The following TRMT9B variants were observed in gnomAD, a reference collection of about 807,000 sequenced individuals.
TRMT9B encodes the protein probable tRNA methyltransferase 9B.
TRMT9B carries 16 observed loss-of-function variants against 11.5 expected under a neutral mutation model. The ratio of observed to expected loss-of-function variants is 1.39; its 90% confidence interval spans 0.94 to 2.11. The LOEUF (loss-of-function observed/expected upper bound fraction) is 2.11. Among genes scored for constraint, TRMT9B ranks in the 30% most tolerant of loss-of-function variants. The probability of loss-of-function intolerance (pLI) is 0.00; values close to 1 mark genes in which losing one functional copy is unlikely to be tolerated. For synonymous variants in TRMT9B, 274 were observed against 192.4 expected, an observed-to-expected ratio of 1.42 and a Z score of -3.51; for missense variants, 941 against 553.8, an observed-to-expected ratio of 1.70 and a Z score of -7.02.
intron 1 of TRMT9B, among the ~76,000 whole-genome samples, chr8:12,987,746 C>G (rs1300826348): frequency 6.6e-6 from 1 of 152,136 alleles, no homozygotes; most frequent in Non-Finnish European, 1.5e-5. Context: ...TAGCTTACCT[C>G]CCTAGCCTAC....
intron 2 of TRMT9B, among the ~76,000 whole-genome samples, chr8:13,002,787 C>T (rs1809689901): frequency 6.6e-6 from 1 of 152,182 alleles, no homozygotes; most frequent in South Asian, 2.1e-4. Flanking sequence ...CAAAGTCTCT[C>T]TCCATACAGG....
At chr8:12,998,203 C>T (rs957337516) in intron 2 of TRMT9B, among the ~76,000 whole-genome samples, 3 of 152,304 alleles carry the variant, frequency 2.0e-5, no homozygotes, top group East Asian at 3.9e-4. Context: ...TTTTCCTTCT[C>T]TTCATGGTGT....
intron 2 of TRMT9B, among the ~76,000 whole-genome samples, chr8:13,000,151 C>T: frequency 6.6e-6 from 1 of 152,142 alleles, no homozygotes; most frequent in East Asian, 1.9e-4. Context: ...CATTTCATTG[C>T]AGTGATAAGG....
intron 1 of TRMT9B, among the ~76,000 whole-genome samples, chr8:12,975,652 C>T (rs982140370): frequency 6.6e-6 from 1 of 152,076 alleles, no homozygotes; most frequent in Non-Finnish European, 1.5e-5. Context: ...GTCTGAGAAT[C>T]CTTTGAACCC....
Position 13,009,877 on chromosome 8 carries a change from C to A in TRMT9B, c.155-2807C>A, listed in dbSNP as rs139096208. ...GGCGCGGTATCTCACACGTGTAATC[C>A]TAGCACTTTGGGAGGTGTGGCGGGC... On this transcript the variant is annotated intron_variant, in intron 3 of 4. Coordinates refer to ENST00000524591, the MANE Select transcript of TRMT9B (RefSeq NM_020844.3). 9.4e-3 allele frequency among the ~76,000 whole-genome samples: 1,426 copies of A among 152,216 alleles called. 25 individuals carry two copies. The highest frequency in any genetic ancestry group is 0.033 in the African/African-American group (1,359 of 41,546).
At position 12,982,661 on chromosome 8, in the gene TRMT9B, CA is replaced by C. The variant is rs199524978; in HGVS notation, c.-199-8160del. Among the ~76,000 whole-genome samples, 273 of 135,170 alleles carry C rather than the reference CA, an allele frequency of 2.0e-3. 3 individuals are homozygous for C. In the East Asian group the frequency reaches 0.026, roughly 13 times the overall value. 88.7% of individuals were successfully genotyped at this position (135,170 alleles called of 152,430 possible). ...TGGGCAACAGAGAGAGACTCCATCTCAAAAAAAAAAAAATCATAATCAGAGT... is the reference window on the plus strand; with the variant it reads ...TGGGCAACAGAGAGAGACTCCATCTCAAAAAAAAAAAATCATAATCAGAGT... On this transcript the variant is annotated intron_variant, in intron 1 of 4. Coordinates refer to ENST00000524591, the MANE Select transcript of TRMT9B (RefSeq NM_020844.3).
chr8:13,018,855 C>T (rs754138629), intron 4 of TRMT9B, among the ~76,000 whole-genome samples: 1 of 152,152 alleles, frequency 6.6e-6, no homozygotes, highest in African/African-American at 2.4e-5. Flanking sequence ...CTAAATAATA[C>T]CTCAACACTA....
chr8:12,994,517 G>C (rs547170370), intron 2 of TRMT9B, among the ~76,000 whole-genome samples: 1 of 152,038 alleles, frequency 6.6e-6, no homozygotes, highest in Non-Finnish European at 1.5e-5. Context: ...GTGCCCGGAG[G>C]TGACTTAATT....
chr8:13,009,233 G>C (rs376085948), intron 3 of TRMT9B, among the ~76,000 whole-genome samples: 1 of 152,054 alleles, frequency 6.6e-6, no homozygotes, highest in Non-Finnish European at 1.5e-5. Flanking sequence ...TAAAATGGTG[G>C]TTACCTGGGG....
In TRMT9B at chr8:13,027,983, C is replaced by G. The variant is rs1157516335; in HGVS notation, c.*5939C>G. On this transcript the variant is annotated 3_prime_UTR_variant, in exon 5 of 5. Transcript: ENST00000524591. ...TGCAAACATTTAAAAAGATCTCTCA[C>G]CAAACAAGGATTGAAATTGTATTGC... 6.0e-6 allele frequency: 1 copy of G among 166,888 alleles called. No individual in the cohort carries two copies. The highest frequency in any genetic ancestry group is 2.4e-5 in the African/African-American group (1 of 41,442). The allele number at this position is 166,888 out of a possible 1,614,324, so 10.3% of individuals were successfully genotyped here. A position where few individuals can be genotyped will look rare whatever the true frequency, so the allele number is the denominator to read the frequency against.
chr8:12,971,231 T>G (rs575313264), intron 1 of TRMT9B, among the ~76,000 whole-genome samples: 1 of 152,338 alleles, frequency 6.6e-6, no homozygotes, highest in East Asian at 1.9e-4. Context: ...TTTCTTTTTG[T>G]TTCCCCTTTT....
chr8:12,953,467 A>C (rs1292976420), intron 1 of TRMT9B, among the ~76,000 whole-genome samples: 3 of 152,074 alleles, frequency 2.0e-5, no homozygotes, highest in Admixed American at 2.0e-4. Context: ...CTCCTGCCTC[A>C]GCCTCCCCAG....
rs776989892 is a variant in TRMT9B at position 13,012,772 on chromosome 8, G to A, written c.243G>A (p.Arg81=). Reference sequence around the variant, plus strand: ...GTGGGCCACTGGTAGAGATTGCCCGGAATAGAGGATGTGAAGCCATGGTAT... The same window carrying A: ...GTGGGCCACTGGTAGAGATTGCCCGAAATAGAGGATGTGAAGCCATGGTAT... ...DYCGPLVEIA[R]NRGCEAMVCD... The change falls in exon 4 of 5, where the codon CGG becomes CGA. Residue 81 remains arginine, a synonymous_variant. Coordinates refer to ENST00000524591, the MANE Select transcript of TRMT9B (RefSeq NM_020844.3). 27 of 1,613,814 alleles carry A rather than the reference G, an allele frequency of 1.7e-5. No individual in the cohort carries two copies. The East Asian group carries it at 4.9e-4, about 29-fold the overall frequency.
chr8:12,963,323 C>G (rs1002420108), intron 1 of TRMT9B, among the ~76,000 whole-genome samples: 3 of 152,094 alleles, frequency 2.0e-5, no homozygotes, highest in Non-Finnish European at 4.4e-5. Context: ...ATCCCCGCTA[C>G]TCAGGAGGCT....
chr8:12,955,484 T>C (rs59244967), intron 1 of TRMT9B, among the ~76,000 whole-genome samples: 4,276 of 152,258 alleles, frequency 0.028, 85 homozygotes, highest in South Asian at 0.092. Context: ...CCTTTGTTAA[T>C]ATGTCTCGGC....
At chr8:12,990,339 C>A (rs1261163315) in intron 1 of TRMT9B, among the ~76,000 whole-genome samples, 1 of 152,118 alleles carries the variant, frequency 6.6e-6, no homozygotes, top group Non-Finnish European at 1.5e-5. Context: ...TTTTTAATAA[C>A]TAAAAGCCTT....
In TRMT9B at chr8:13,022,188, T is replaced by C. The variant is rs1481573043; in HGVS notation, c.*144T>C. 1 of 604,768 alleles carries C rather than the reference T, an allele frequency of 1.7e-6. No homozygotes were observed. Among genetic ancestry groups the C allele is most frequent in the Non-Finnish European group, 2.8e-6 (1 of 356,724 alleles). 37.5% of individuals were successfully genotyped at this position (604,768 alleles called of 1,614,324 possible). A position where few individuals can be genotyped will look rare whatever the true frequency, so the allele number is the denominator to read the frequency against. On this transcript the variant is annotated 3_prime_UTR_variant, in exon 5 of 5. Transcript: ENST00000524591. ...AGAGACTATTAATTATTTGGTTGTT[T>C]TGTTTTCATTTTTGAATAAGCACAG...
intron 1 of TRMT9B, among the ~76,000 whole-genome samples, chr8:12,965,614 ATTT>A (rs112013324): frequency 1.4e-5 from 2 of 145,990 alleles, no homozygotes; most frequent in African/African-American, 5.0e-5. Context: ...TAGTTGTCTG[ATTT>A]TTTTTTTTTT....
At chr8:12,947,738 T>C (rs1177222064) in intron 1 of TRMT9B, among the ~76,000 whole-genome samples, 1 of 152,226 alleles carries the variant, frequency 6.6e-6, no homozygotes, top group Non-Finnish European at 1.5e-5. Flanking sequence ...TTAAGAGACT[T>C]CAGGTGTGCA....
Sources: allele counts gnomAD v4.1 joint callset (sites outside exome capture counted in the v4.1 genomes callset), GRCh38; gene constraint gnomAD v4.1.1; transcripts MANE v1.5; gene names NCBI Gene and HGNC (gene_info 2026-07-23, HGNC 2026-07-21).